Variants in IL1RAPL2 observed in about 807,000 individuals in gnomAD.
The protein encoded by IL1RAPL2 is X-linked interleukin-1 receptor accessory protein-like 2.
IL1RAPL2 carries 3 observed loss-of-function variants against 44.1 expected under a neutral mutation model. The ratio of observed to expected loss-of-function variants is 0.07; its 90% CI spans 0.03 to 0.18. The LOEUF is 0.18. Among genes scored for constraint, IL1RAPL2 ranks in the 10% least tolerant of loss-of-function variants. The probability of loss-of-function intolerance (pLI) is 1.00; values close to 1 mark genes in which losing one functional copy is unlikely to be tolerated. For synonymous variants in IL1RAPL2, 181 were observed against 178.8 expected, an observed-to-expected ratio of 1.01 and a Z score of -0.10; for missense variants, 391 against 496.4, an observed-to-expected ratio of 0.79 and a Z score of 2.02.
chrX:105,043,284 A>G, intron 2 of IL1RAPL2, among the ~76,000 whole-genome samples: 1 of 111,133 alleles, frequency 9.0e-6, no homozygotes, highest in Non-Finnish European at 1.9e-5. Flanking sequence ...ATATCACGGC[A>G]GACTAGCCAG....
intron 2 of IL1RAPL2, among the ~76,000 whole-genome samples, chrX:105,124,113 C>T (rs1195905030): frequency 9.0e-6 from 1 of 111,193 alleles, no homozygotes; most frequent in African/African-American, 3.3e-5. Context: ...TATAACAGTC[C>T]TGGCACTCTG....
At chrX:104,773,559 A>G (rs1932670926) in intron 2 of IL1RAPL2, among the ~76,000 whole-genome samples, 1 of 111,701 alleles carries the variant, frequency 9.0e-6, no homozygotes. Flanking sequence ...TTACATTTCC[A>G]TAGGCTTCAA....
intron 2 of IL1RAPL2, among the ~76,000 whole-genome samples, chrX:104,763,120 A>G (rs767500868): frequency 8.9e-6 from 1 of 111,929 alleles, no homozygotes; most frequent in South Asian, 3.8e-4. Flanking sequence ...TTCTGCTTAG[A>G]GATTTCTTCC....
intron 5 of IL1RAPL2, among the ~76,000 whole-genome samples, chrX:105,436,702 C>T (rs1487907659): frequency 9.0e-6 from 1 of 110,819 alleles, no homozygotes; most frequent in Non-Finnish European, 1.9e-5. Flanking sequence ...TGCCAAGCAA[C>T]AGCCAAAGGA....
chrX:105,002,699 T>C lies in IL1RAPL2; in HGVS notation c.83-192776T>C, dbSNP rs1299450948. On this transcript the variant is annotated intron_variant, in intron 2 of 10. Transcript: ENST00000372582. ...CCAACCCCCCTAATATACCCCCACA[T>C]ACCAAAGTCATTATGTGTTAATCCT... Among the ~76,000 whole-genome samples the C allele has an allele frequency of 6.0e-4, 65 of 108,362 alleles. 1 individual carries two copies. The Admixed American group carries it at 6.3e-3, about 10-fold the overall frequency. 94.1% of individuals were successfully genotyped at this position (108,362 alleles called of 115,157 possible). A position where few individuals can be genotyped will look rare whatever the true frequency, so the allele number is the denominator to read the frequency against.
intron 3 of IL1RAPL2, among the ~76,000 whole-genome samples, chrX:105,231,245 G>A (rs1050905215): frequency 1.4e-4 from 16 of 111,875 alleles, no homozygotes; most frequent in Admixed American, 7.6e-4. Context: ...TGCCCCTGCC[G>A]GTCATTCTTG....
intron 5 of IL1RAPL2, among the ~76,000 whole-genome samples, chrX:105,278,558 G>A (rs1171881808): frequency 9.0e-6 from 1 of 111,679 alleles, no homozygotes; most frequent in African/African-American, 3.3e-5. Flanking sequence ...TTGGTACAGA[G>A]GGAGACCAGC....
intron 2 of IL1RAPL2, among the ~76,000 whole-genome samples, chrX:105,137,566 G>A (rs998541383): frequency 2.7e-5 from 3 of 112,109 alleles, no homozygotes; most frequent in Non-Finnish European, 3.8e-5. Context: ...AAATAAAAAT[G>A]CAACTCTGTA....
intron 5 of IL1RAPL2, among the ~76,000 whole-genome samples, chrX:105,413,442 A>G (rs2147741983): frequency 9.0e-6 from 1 of 111,616 alleles, no homozygotes; most frequent in East Asian, 2.8e-4. Context: ...AGATGACAGC[A>G]GGAGAGGGAG....
At chrX:104,623,965 C>G (rs1569283240) in intron 1 of IL1RAPL2, among the ~76,000 whole-genome samples, 1 of 111,607 alleles carries the variant, frequency 9.0e-6, no homozygotes, top group Non-Finnish European at 1.9e-5. Flanking sequence ...ATGAGAGAAA[C>G]AAGAGAAGTC....
At chrX:105,437,048 T>TATATAC (rs1218595236) in intron 5 of IL1RAPL2, among the ~76,000 whole-genome samples, 3 of 104,882 alleles carry the variant, frequency 2.9e-5, no homozygotes, top group African/African-American at 7.0e-5. Flanking sequence ...TATATATATA[T>TATATAC]ACCATATTTA....
intron 3 of IL1RAPL2, among the ~76,000 whole-genome samples, chrX:105,225,401 A>G (rs782205442): frequency 5.3e-5 from 6 of 112,265 alleles, no homozygotes; most frequent in African/African-American, 1.9e-4. Context: ...TTACAAGAAG[A>G]AGAAAACAAA....
chrX:104,756,869 C>T (rs1245440547), intron 2 of IL1RAPL2, among the ~76,000 whole-genome samples: 1 of 109,478 alleles, frequency 9.1e-6, no homozygotes, highest in Non-Finnish European at 1.9e-5. Context: ...GCATCAAGTG[C>T]AAAGGCCCTG....
In IL1RAPL2 at chrX:105,510,875, G is replaced by T. The variant is rs997128739; in HGVS notation, c.772+26488G>T. On this transcript the variant is annotated intron_variant, in intron 6 of 10. Coordinates refer to ENST00000372582, the MANE Select transcript of IL1RAPL2 (RefSeq NM_017416.2). The stretch of plus-strand genomic sequence containing the variant: ...TTTCGCCCCAGACTTGTGACGTACA[G>T]AACTGTGAAACAATAAACTTGTGTT... 7.2e-5 allele frequency among the ~76,000 whole-genome samples: 8 copies of T among 111,820 alleles called. No individual in the cohort carries two copies. The East Asian group carries it at 2.0e-3, about 28-fold the overall frequency.
chrX:105,684,106 A>C (rs1020369290), intron 6 of IL1RAPL2, among the ~76,000 whole-genome samples: 1 of 112,038 alleles, frequency 8.9e-6, no homozygotes, highest in African/African-American at 3.2e-5. Flanking sequence ...TGCAGCTCCC[A>C]GCATGATCGA....
intron 6 of IL1RAPL2, among the ~76,000 whole-genome samples, chrX:105,580,191 A>AT (rs1468445889): frequency 1.8e-5 from 2 of 111,353 alleles, no homozygotes; most frequent in East Asian, 5.6e-4. Context: ...CAAATCGCAC[A>AT]TTTGCATCCA....
chrX:104,983,483 T>C (rs2030488540), intron 2 of IL1RAPL2, among the ~76,000 whole-genome samples: 1 of 98,502 alleles, frequency 1.0e-5, no homozygotes, highest in African/African-American at 3.9e-5. Flanking sequence ...TATTATATAA[T>C]ATTATATTAG....
intron 3 of IL1RAPL2, among the ~76,000 whole-genome samples, chrX:105,226,385 C>CTTTTTTT (rs35192051): frequency 1.1e-4 from 6 of 53,353 alleles, no homozygotes; most frequent in Admixed American, 2.2e-4. Flanking sequence ...TTTCTTTTCC[C>CTTTTTTT]TTTTTTTTTT....
intron 2 of IL1RAPL2, among the ~76,000 whole-genome samples, chrX:104,969,704 G>A (rs749979596): frequency 3.6e-5 from 4 of 111,417 alleles, no homozygotes; most frequent in Non-Finnish European, 5.7e-5. Context: ...ATGAGCAGGT[G>A]TAACCTTTCA....
Sources: gnomAD v4.1 joint callset for allele counts (sites outside exome capture counted in the v4.1 genomes callset) on GRCh38, gnomAD v4.1.1 for gene constraint, MANE v1.5 for transcripts, NCBI Gene and HGNC (gene_info 2026-07-23, HGNC 2026-07-21) for gene names.